The following BNC2 variants were observed in gnomAD, a reference collection of about 807,000 sequenced individuals.
The protein encoded by BNC2 is basonuclin zinc finger protein 2.
In BNC2, 20 loss-of-function variants were observed where a neutral mutation model predicts 76.3. The ratio of observed to expected loss-of-function variants is 0.26; its 90% CI spans 0.18 to 0.38. The LOEUF is 0.38. Ranked by LOEUF, BNC2 falls within the 10% of genes least tolerant of loss-of-function variation. The probability of loss-of-function intolerance (pLI) is 1.00; values close to 1 mark genes in which losing one functional copy is unlikely to be tolerated. For missense variants in BNC2, 1,382 were observed against 1,399.8 expected (o/e 0.99, Z 0.20); for synonymous variants, 582 against 514.8 (o/e 1.13, Z -1.77).
chr9:16,710,511 TC>T, intron 3 of BNC2, among the ~76,000 whole-genome samples: 1 of 152,338 alleles, frequency 6.6e-6, no homozygotes, highest in African/African-American at 2.4e-5. Context: ...TACACTATTT[TC>T]CCTTTTCATA....
chr9:16,621,810 A>T (rs113610300), intron 3 of BNC2, among the ~76,000 whole-genome samples: 1 of 151,676 alleles, frequency 6.6e-6, no homozygotes, highest in Non-Finnish European at 1.5e-5. Context: ...GAATGAAAAA[A>T]GAAAAGAAAA....
intron 5 of BNC2, among the ~76,000 whole-genome samples, chr9:16,514,016 A>G (rs1011831435): frequency 5.3e-5 from 8 of 152,186 alleles, no homozygotes; most frequent in Non-Finnish European, 1.2e-4. Flanking sequence ...TAGCCAGATA[A>G]GCAGGAATCA....
chr9:16,738,600 C>T (rs1824750613), intron 1 of BNC2, 115 bp from the exon 2 acceptor site: 3 of 1,191,310 alleles, frequency 2.5e-6, no homozygotes, highest in Admixed American at 4.1e-5. Flanking sequence ...ACCAACTAAA[C>T]ACATTTTTTA....
intron 1 of BNC2, among the ~76,000 whole-genome samples, chr9:16,800,181 C>T (rs1057070412): frequency 1.6e-4 from 24 of 150,708 alleles, no homozygotes; most frequent in Non-Finnish European, 2.8e-4. Flanking sequence ...GCCGAGATTG[C>T]ACCACTGCAC....
At chr9:16,711,804 G>A (rs570405233) in intron 3 of BNC2, among the ~76,000 whole-genome samples, 139 of 152,328 alleles carry the variant, frequency 9.1e-4, no homozygotes, top group Middle Eastern at 3.4e-3. Flanking sequence ...GCAGGACAGA[G>A]TCTGCTTTAT....
intron 4 of BNC2, among the ~76,000 whole-genome samples, chr9:16,564,148 G>A (rs917268504): frequency 1.3e-5 from 2 of 152,256 alleles, no homozygotes; most frequent in African/African-American, 4.8e-5. Flanking sequence ...AAAGATGCTC[G>A]TTGTCTTCCA....
chr9:16,533,565 A>C (rs1230095594), intron 5 of BNC2, among the ~76,000 whole-genome samples: 1 of 152,182 alleles, frequency 6.6e-6, no homozygotes, highest in Admixed American at 6.5e-5. Flanking sequence ...ATCTGTTAAG[A>C]TGAAAATGAG....
chr9:16,593,054 A>G (rs943866764), intron 3 of BNC2, among the ~76,000 whole-genome samples: 11 of 152,176 alleles, frequency 7.2e-5, no homozygotes, highest in Admixed American at 5.9e-4. Flanking sequence ...ATGCTCAGCA[A>G]TATTAATATC....
At chr9:16,651,208 G>C (rs778981778) in intron 3 of BNC2, among the ~76,000 whole-genome samples, 1 of 152,116 alleles carries the variant, frequency 6.6e-6, no homozygotes, top group Non-Finnish European at 1.5e-5. Context: ...ATATCTACCT[G>C]TTCCTTTTCC....
chr9:16,777,167 A>G (rs1197705969), intron 1 of BNC2, among the ~76,000 whole-genome samples: 1 of 151,634 alleles, frequency 6.6e-6, no homozygotes, highest in Non-Finnish European at 1.5e-5. Context: ...ATAAAAGTAA[A>G]TAAATAAATA....
chr9:16,645,407 G>A (rs1821595905), intron 3 of BNC2, among the ~76,000 whole-genome samples: 1 of 152,222 alleles, frequency 6.6e-6, no homozygotes, highest in Admixed American at 6.5e-5. Context: ...AGAGGCTCCA[G>A]TTCACGTCAC....
At chr9:16,757,981 C>T (rs1032091394) in intron 1 of BNC2, among the ~76,000 whole-genome samples, 6 of 152,316 alleles carry the variant, frequency 3.9e-5, no homozygotes, top group Non-Finnish European at 5.9e-5. Context: ...TTAAAACACA[C>T]AGTTCTTATC....
rs966350992 is a variant in BNC2 at position 16,436,578 on chromosome 9, A to C, written c.1616T>G (p.Met539Arg). ...LALTSPGRPP[M>R]GFTTPPLDPV... Reference sequence around the variant, plus strand: ...GTCTAGAGGGGGAGTGGTAAAACCCATTGGGGGTCGGCCAGGGCTTGTGAG... The same window carrying C: ...GTCTAGAGGGGGAGTGGTAAAACCCCTTGGGGGTCGGCCAGGGCTTGTGAG... Residue 539 changes from methionine (M) to arginine (R), a missense_variant, in exon 6 of 7, where the codon ATG becomes AGG. By Grantham distance (91) the Met-to-Arg change is moderately conservative. Transcript: ENST00000380672. The C allele has an allele frequency of 1.2e-6, 2 of 1,614,016 alleles. No homozygotes were observed. Among genetic ancestry groups the C allele is most frequent in the African/African-American group, 2.7e-5 (2 of 75,004 alleles).
At chr9:16,628,637 C>T (rs1270009435) in intron 3 of BNC2, among the ~76,000 whole-genome samples, 8 of 152,142 alleles carry the variant, frequency 5.3e-5, no homozygotes, top group Non-Finnish European at 1.2e-4. Flanking sequence ...ACACGCAGAG[C>T]AATTCGCAGA....
chr9:16,480,226 C>T (rs1822017239), intron 5 of BNC2, among the ~76,000 whole-genome samples: 1 of 152,226 alleles, frequency 6.6e-6, no homozygotes, highest in Non-Finnish European at 1.5e-5. Context: ...CCTAGCACTG[C>T]ACACTTTTCG....
intron 1 of BNC2, among the ~76,000 whole-genome samples, chr9:16,810,728 T>C (rs981440839): frequency 6.6e-6 from 1 of 152,196 alleles, no homozygotes; most frequent in East Asian, 1.9e-4. Context: ...ATGTCAAAAA[T>C]GCTTAAAGCC....
intron 1 of BNC2, among the ~76,000 whole-genome samples, chr9:16,776,257 C>A (rs1391368472): frequency 6.6e-6 from 1 of 152,156 alleles, no homozygotes; most frequent in African/African-American, 2.4e-5. Flanking sequence ...TCTCCTCTCT[C>A]AGTCTCCCAA....
intron 5 of BNC2, among the ~76,000 whole-genome samples, chr9:16,540,760 C>A (rs890433502): frequency 6.6e-6 from 1 of 152,068 alleles, no homozygotes; most frequent in Admixed American, 6.6e-5. Flanking sequence ...TGACATTTAC[C>A]CCCCTAATAA....
intron 5 of BNC2, among the ~76,000 whole-genome samples, chr9:16,498,299 A>G (rs918296532): frequency 6.8e-6 from 1 of 147,166 alleles, no homozygotes; most frequent in African/African-American, 2.5e-5. Flanking sequence ...ATTCCATCAT[A>G]TATATATATG....
Sources: allele counts gnomAD v4.1 joint callset (sites outside exome capture counted in the v4.1 genomes callset), GRCh38; gene constraint gnomAD v4.1.1; transcripts MANE v1.5; gene names NCBI Gene and HGNC (gene_info 2026-07-23, HGNC 2026-07-21).